The following EPB41L4A variants were observed in gnomAD, a reference collection of about 807,000 sequenced individuals.
EPB41L4A encodes band 4.1-like protein 4A.
In EPB41L4A, 100 loss-of-function variants were observed where a neutral mutation model predicts 108.6. That is an observed-to-expected ratio of 0.92 (90% CI 0.78 to 1.09). EPB41L4A has a LOEUF of 1.09. Ranked by LOEUF, EPB41L4A falls within the 50% of genes least tolerant of loss-of-function variation. The pLI, the probability that EPB41L4A is intolerant of heterozygous loss-of-function variation, is 0.00. For missense variants in EPB41L4A, 1,030 were observed against 842.7 expected (o/e 1.22, Z -2.75); for synonymous variants, 319 against 289.0 (o/e 1.10, Z -1.05).
chr5:112,203,484 T>C (rs1033221338), intron 15 of EPB41L4A, among the ~76,000 whole-genome samples: 1 of 152,126 alleles, frequency 6.6e-6, no homozygotes, highest in Non-Finnish European at 1.5e-5. Flanking sequence ...CACTGATGAG[T>C]CATTTCTACA....
chr5:112,310,482 A>C (rs1433479915), intron 1 of EPB41L4A, among the ~76,000 whole-genome samples: 1 of 152,224 alleles, frequency 6.6e-6, no homozygotes, highest in East Asian at 1.9e-4. Context: ...ATTGCTTCTA[A>C]AATTTCACCA....
intron 1 of EPB41L4A, among the ~76,000 whole-genome samples, chr5:112,417,581 G>A (rs60901135): frequency 0.041 from 6,201 of 152,126 alleles, 446 homozygotes; most frequent in African/African-American, 0.14. Context: ...TTCATTGGGC[G>A]GGTGAGAGGA....
At chr5:112,280,346 A>G in intron 2 of EPB41L4A, 23 bp from the exon 3 acceptor site, 1 of 1,606,686 alleles carries the variant, frequency 6.2e-7, no homozygotes, top group Non-Finnish European at 8.5e-7. Context: ...GAAAAGGACA[A>G]TTAAAGAAAT....
Position 112,374,080 on chromosome 5 carries a change from G to C in EPB41L4A, c.99+44861C>G, listed in dbSNP as rs138128553. Among the ~76,000 whole-genome samples the C allele has an allele frequency of 3.1e-3, 472 of 152,296 alleles. 3 individuals are homozygous for C. Among genetic ancestry groups the C allele is most frequent in the Middle Eastern group, 0.01 (3 of 294 alleles). The stretch of plus-strand genomic sequence containing the variant: ...ATCTTCTGTGAGAACTTCCCACAAA[G>C]AGAATTATTAGTGTGGAATGAGTGC... On this transcript the variant is annotated intron_variant, in intron 1 of 22. Coordinates refer to ENST00000261486, the MANE Select transcript of EPB41L4A (RefSeq NM_022140.5).
At chr5:112,208,160 C>T (rs1386117532) in intron 13 of EPB41L4A, among the ~76,000 whole-genome samples, 2 of 144,272 alleles carry the variant, frequency 1.4e-5, no homozygotes, top group Non-Finnish European at 3.0e-5. Flanking sequence ...GCAGGAGAAT[C>T]GCTTGAACCC....
downstream of EPB41L4A, chr5:112,161,555 T>G (rs768998969): frequency 2.3e-5 from 12 of 519,122 alleles, no homozygotes; most frequent in Admixed American, 2.1e-4. Flanking sequence ...ATTAAACGCT[T>G]TGCAGCCTTT....
At chr5:112,237,532 G>C (rs111459675) in intron 11 of EPB41L4A, among the ~76,000 whole-genome samples, 1 of 152,016 alleles carries the variant, frequency 6.6e-6, no homozygotes, top group African/African-American at 2.4e-5. Flanking sequence ...AACACACCCA[G>C]ATACCTGCAT....
chr5:112,149,008 T>C (rs1314211529), intron 12 of EPB41L4A, among the ~76,000 whole-genome samples: 1 of 152,212 alleles, frequency 6.6e-6, no homozygotes, highest in Admixed American at 6.5e-5. Context: ...ATATCTAGTA[T>C]TTTAAAAGGA....
intron 12 of EPB41L4A, among the ~76,000 whole-genome samples, chr5:112,227,888 T>G (rs150505948): frequency 1.3e-5 from 2 of 152,360 alleles, no homozygotes; most frequent in African/African-American, 4.8e-5. Context: ...CAACAATAGA[T>G]GCTGGTTAGC....
At chr5:112,316,476 G>A (rs1260407246) in intron 1 of EPB41L4A, among the ~76,000 whole-genome samples, 1 of 152,066 alleles carries the variant, frequency 6.6e-6, no homozygotes, top group South Asian at 2.1e-4. Flanking sequence ...GGTACCAAAG[G>A]TAACTCCTTC....
At chr5:112,265,047 A>G in intron 5 of EPB41L4A, 31 bp from the exon 6 acceptor site, 1 of 1,529,564 alleles carries the variant, frequency 6.5e-7, no homozygotes, top group Admixed American at 2.2e-5. Context: ...AGTTTTTTCC[A>G]TTTTAGGAAA....
intron 12 of EPB41L4A, 73 bp from the exon 13 acceptor site, chr5:112,210,055 T>G (rs1345317365): frequency 1.1e-6 from 1 of 911,400 alleles, no homozygotes; most frequent in African/African-American, 1.7e-5. Flanking sequence ...ACAGAAGACT[T>G]ATTTTAAAAT....
chr5:112,339,638 A>G (rs1757181330), intron 1 of EPB41L4A, among the ~76,000 whole-genome samples: 3 of 151,042 alleles, frequency 2.0e-5, no homozygotes, highest in Admixed American at 2.0e-4. Flanking sequence ...GGTTCAAGCG[A>G]TTCCCCCGCC....
At chr5:112,211,164 C>CT (rs553000550) in intron 12 of EPB41L4A, among the ~76,000 whole-genome samples, 12 of 152,082 alleles carry the variant, frequency 7.9e-5, no homozygotes, top group Admixed American at 3.3e-4. Flanking sequence ...GTGGGGCAAG[C>CT]TTTGAAGATG....
rs1486252654 is a variant in EPB41L4A at position 112,272,554 on chromosome 5, TGG to T, written c.335+2770_335+2771del. Among the ~76,000 whole-genome samples the T allele has an allele frequency of 5.3e-5, 8 of 151,708 alleles. No individual in the cohort carries two copies. The East Asian group carries it at 1.6e-3, about 30-fold the overall frequency. ...CAGCACTTTGGGAGGCCAAGGCAGG[TGG>T]ATCACCTGAGGTCAGGAGTTCAAGA... On this transcript the variant is annotated intron_variant, in intron 4 of 22. Coordinates refer to ENST00000261486, the MANE Select transcript of EPB41L4A (RefSeq NM_022140.5).
At chr5:112,382,963 G>A (rs1760269568) in intron 1 of EPB41L4A, among the ~76,000 whole-genome samples, 2 of 152,284 alleles carry the variant, frequency 1.3e-5, no homozygotes, top group African/African-American at 4.8e-5. Flanking sequence ...ATGCTTCGGA[G>A]CAAACAAGTT....
intron 3 of EPB41L4A, among the ~76,000 whole-genome samples, chr5:112,278,513 A>G (rs140670856): frequency 5.9e-4 from 90 of 152,128 alleles, no homozygotes; most frequent in African/African-American, 2.0e-3. Context: ...CAGCCACCCA[A>G]ACTGCTGGGA....
At chr5:112,246,514 C>T (rs1261556727) in intron 9 of EPB41L4A, among the ~76,000 whole-genome samples, 2 of 152,166 alleles carry the variant, frequency 1.3e-5, no homozygotes, top group Non-Finnish European at 2.9e-5. Flanking sequence ...CTGGGTCACG[C>T]AAACCTGCCT....
intron 4 of EPB41L4A, among the ~76,000 whole-genome samples, chr5:112,273,029 T>G (rs1424972707): frequency 6.6e-6 from 1 of 152,198 alleles, no homozygotes; most frequent in African/African-American, 2.4e-5. Context: ...TGCTCTTCCT[T>G]AAATAGCATA....
Sources: allele counts gnomAD v4.1 joint callset (sites outside exome capture counted in the v4.1 genomes callset), GRCh38; gene constraint gnomAD v4.1.1; transcripts MANE v1.5; gene names NCBI Gene and HGNC (gene_info 2026-07-23, HGNC 2026-07-21).